Variants in LAMA2 observed in about 807,000 individuals in gnomAD.
The protein encoded by LAMA2 is laminin subunit alpha-2.
In LAMA2, 269 loss-of-function variants were observed where a neutral mutation model predicts 364.8. The observed-to-expected ratio is 0.74, with a 90% CI of 0.67 to 0.82. The LOEUF is 0.82. Ranked by LOEUF, LAMA2 falls within the 40% of genes least tolerant of loss-of-function variation. The pLI is 0.00. For synonymous variants in LAMA2, 1,379 were observed against 1,370.6 expected (o/e 1.01, Z -0.14); for missense variants, 3,807 against 3,873.2 (o/e 0.98, Z 0.45).
chr6:129,076,490 AT>A (rs1554212267), intron 3 of LAMA2, among the ~76,000 whole-genome samples: 53 of 12,422 alleles, frequency 4.3e-3, no homozygotes, highest in Non-Finnish European at 7.4e-3. Flanking sequence ...TATCTTATAT[AT>A]TATATATAAA....
chr6:129,046,360 G>C (rs1049723009), intron 1 of LAMA2, among the ~76,000 whole-genome samples: 1 of 152,170 alleles, frequency 6.6e-6, no homozygotes, highest in Non-Finnish European at 1.5e-5. Context: ...ACATGGCTGG[G>C]GAGGTCTCAC....
chr6:129,210,024 A>AAAAAAAAAAAAAAAAAAAAAAAAAAAT (rs200129656), intron 12 of LAMA2, among the ~76,000 whole-genome samples: 1 of 145,242 alleles, frequency 6.9e-6, no homozygotes, highest in Non-Finnish European at 1.5e-5. Context: ...AAAAAAAAAA[A>AAAAAAAAAAAAAAAAAAAAAAAAAAAT]ATTTTTACTA....
In LAMA2 at chr6:129,353,304, G is replaced by T. The variant is rs1314123853; in HGVS notation, c.4664G>T (p.Arg1555Met). Residue 1555 changes from arginine (R) to methionine (M), a missense_variant, in exon 32 of 65, where the codon AGG becomes ATG. Around this residue, in one of 3 missense-constraint regions of LAMA2, gnomAD observed 3,333 missense variants for 3,345.7 expected, o/e 1.00. Transcript: ENST00000421865. ...FCTCRPGATGRKCDGCKHWHA... is the reference protein window; with the variant it reads ...FCTCRPGATGMKCDGCKHWHA... ...ACGTGCCGACCTGGAGCCACGGGAA[G>T]GAAGTGTGACGGCTGCAAGCACTGG... 3.1e-6 allele frequency: 5 copies of T among 1,614,032 alleles called. No individual in the cohort carries two copies. The South Asian group carries it at 4.4e-5, about 14-fold the overall frequency.
At chr6:129,492,262 T>C in intron 57 of LAMA2, 53 bp from the exon 58 acceptor site, 1 of 1,579,100 alleles carries the variant, frequency 6.3e-7, no homozygotes, top group South Asian at 1.1e-5. Flanking sequence ...GGCTTAATTG[T>C]AAGGAAGCAA....
intron 34 of LAMA2, among the ~76,000 whole-genome samples, chr6:129,382,903 A>T (rs879376802): frequency 3.9e-5 from 6 of 152,222 alleles, no homozygotes; most frequent in Admixed American, 3.3e-4. Flanking sequence ...TTTTTAAAAG[A>T]CCAAATACAG....
At chr6:128,926,218 A>G (rs1234099943) in intron 1 of LAMA2, among the ~76,000 whole-genome samples, 1 of 151,798 alleles carries the variant, frequency 6.6e-6, no homozygotes, top group Non-Finnish European at 1.5e-5. Flanking sequence ...TCTTTCCACA[A>G]CTCTGAGTTT....
At chr6:128,964,304 T>C (rs1035891803) in intron 1 of LAMA2, among the ~76,000 whole-genome samples, 3 of 152,074 alleles carry the variant, frequency 2.0e-5, no homozygotes, top group Admixed American at 6.6e-5. Context: ...TTGTTTTTCT[T>C]ATGAAGGCAG....
chr6:129,321,092 CAT>C (rs1395375276), intron 28 of LAMA2, among the ~76,000 whole-genome samples: 2 of 152,102 alleles, frequency 1.3e-5, no homozygotes, highest in Non-Finnish European at 2.9e-5. Flanking sequence ...CTCAGGGAAA[CAT>C]ATCTTTGTTC....
At chr6:128,941,625 C>CA (rs1004110254) in intron 1 of LAMA2, among the ~76,000 whole-genome samples, 11 of 149,766 alleles carry the variant, frequency 7.3e-5, no homozygotes, top group Non-Finnish European at 4.5e-5. Flanking sequence ...GGTTCAGAAA[C>CA]AAAAAAAATA....
intron 1 of LAMA2, among the ~76,000 whole-genome samples, chr6:129,033,770 G>A (rs1439105618): frequency 6.6e-6 from 1 of 152,092 alleles, no homozygotes; most frequent in Non-Finnish European, 1.5e-5. Flanking sequence ...ATGTTCCGCT[G>A]ATATTGATGA....
At chr6:129,466,293 A>T (rs976956515) in intron 51 of LAMA2, among the ~76,000 whole-genome samples, 2 of 151,912 alleles carry the variant, frequency 1.3e-5, no homozygotes, top group Non-Finnish European at 2.9e-5. Context: ...GCAATCTCAG[A>T]AGAGAGACAC....
In LAMA2 at chr6:129,076,484, T is replaced by TA. The variant is rs369124849; in HGVS notation, c.396+16588_396+16589insA. Among the ~76,000 whole-genome samples, 803 of 139,226 alleles carry TA rather than the reference T, an allele frequency of 5.8e-3. 7 individuals are homozygous for TA. Among genetic ancestry groups the TA allele is most frequent in the African/African-American group, 0.02 (764 of 37,702 alleles). 91.3% of individuals were successfully genotyped at this position (139,226 alleles called of 152,430 possible). ...ATATATAATACATATATAATATATC[T>TA]TATATATTATATATAAATATATATA... On this transcript the variant is annotated intron_variant, in intron 3 of 64. Coordinates refer to ENST00000421865, the MANE Select transcript of LAMA2 (RefSeq NM_000426.4).
At chr6:129,301,937 T>C (rs995924871) in intron 22 of LAMA2, among the ~76,000 whole-genome samples, 2 of 152,144 alleles carry the variant, frequency 1.3e-5, no homozygotes, top group Non-Finnish European at 2.9e-5. Flanking sequence ...TTCCTTCACT[T>C]GGTGTTACGT....
At chr6:129,092,388 A>G (rs762260417) in intron 3 of LAMA2, among the ~76,000 whole-genome samples, 11 of 152,218 alleles carry the variant, frequency 7.2e-5, no homozygotes, top group Non-Finnish European at 1.3e-4. Flanking sequence ...CATGATGTCT[A>G]TGATCCTTTC....
intron 37 of LAMA2, among the ~76,000 whole-genome samples, chr6:129,395,617 T>C (rs576694168): frequency 6.6e-6 from 1 of 152,336 alleles, no homozygotes; most frequent in South Asian, 2.1e-4. Flanking sequence ...ACACCATCTC[T>C]GATTACTTCA....
chr6:129,202,203 A>G (rs1458738752), intron 12 of LAMA2, among the ~76,000 whole-genome samples: 2 of 151,364 alleles, frequency 1.3e-5, no homozygotes, highest in East Asian at 1.9e-4. Flanking sequence ...AAAAAAAAAA[A>G]AAAAAAGAAA....
At chr6:129,496,011 C>T (rs961632981) in intron 58 of LAMA2, among the ~76,000 whole-genome samples, 1 of 152,162 alleles carries the variant, frequency 6.6e-6, no homozygotes, top group African/African-American at 2.4e-5. Context: ...AGCTAGAAGA[C>T]ACCCTAAAGA....
chr6:129,049,825 C>T (rs925192268), intron 1 of LAMA2, 93 bp from the exon 2 acceptor site: 1 of 1,156,098 alleles, frequency 8.6e-7, no homozygotes, highest in Non-Finnish European at 1.3e-6. Context: ...CTTTAATGCT[C>T]CGAAAAATAT....
chr6:129,112,805 G>A (rs1295493526), intron 4 of LAMA2, among the ~76,000 whole-genome samples: 1 of 151,778 alleles, frequency 6.6e-6, no homozygotes, highest in Non-Finnish European at 1.5e-5. Flanking sequence ...GGGAGTGATG[G>A]GAGACAGGCT....
Sources: allele counts gnomAD v4.1 joint callset (sites outside exome capture counted in the v4.1 genomes callset), GRCh38; gene constraint gnomAD v4.1.1; regional missense constraint gnomAD v4.1.1; transcripts MANE v1.5; gene names NCBI Gene and HGNC (gene_info 2026-07-23, HGNC 2026-07-21).